TNKS: variants seen among roughly 807,000 people sequenced by gnomAD.
The protein encoded by TNKS is tankyrase, also known as poly [ADP-ribose] polymerase tankyrase-1.
Under a neutral mutation model 135.8 loss-of-function variants are expected in TNKS, and 72 were observed. The ratio of observed to expected loss-of-function variants is 0.53; its 90% CI spans 0.44 to 0.64. The LOEUF is 0.64. TNKS is among the 30% of genes least tolerant of loss of function. The probability of loss-of-function intolerance (pLI) is 0.00; values close to 1 mark genes in which losing one functional copy is unlikely to be tolerated. For synonymous variants in TNKS, 849 were observed against 649.3 expected, an observed-to-expected ratio of 1.31 and a Z score of -4.68; for missense variants, 1,769 against 1,674.0, an observed-to-expected ratio of 1.06 and a Z score of -0.99.
intron 3 of TNKS, among the ~76,000 whole-genome samples, chr8:9,671,412 A>G (rs1802264248): frequency 6.6e-6 from 1 of 152,244 alleles, no homozygotes; most frequent in South Asian, 2.1e-4. Flanking sequence ...ATAATGGAAT[A>G]TAACTTAACA....
At chr8:9,704,846 A>T in intron 6 of TNKS, 89 bp downstream of exon 6, 1 of 956,594 alleles carries the variant, frequency 1.0e-6, no homozygotes, top group Admixed American at 2.1e-5. Context: ...CATATGTCCC[A>T]TTTGTTACGG....
At chr8:9,566,943 A>G (rs1797568117) in intron 1 of TNKS, among the ~76,000 whole-genome samples, 1 of 152,156 alleles carries the variant, frequency 6.6e-6, no homozygotes. Flanking sequence ...CCAAGGTCAC[A>G]TAGCTAGCTT....
Position 9,778,363 on chromosome 8 carries a change from A to C in TNKS, c.*1627A>C, listed in dbSNP as rs539108548. 1 of 152,592 alleles carries C rather than the reference A, an allele frequency of 6.6e-6. No individual in the cohort carries two copies. The highest frequency in any genetic ancestry group is 6.5e-5 in the Admixed American group (1 of 15,308). The allele number at this position is 152,592 out of a possible 1,614,324, so 9.5% of individuals were successfully genotyped here. A position where few individuals can be genotyped will look rare whatever the true frequency, so the allele number is the denominator to read the frequency against. ...CGATGGGTTTAATGCAAGGTGATTA[A>C]GCTGTGACCTCCTTTAATCTCCTGA... On this transcript the variant is annotated 3_prime_UTR_variant, in exon 27 of 27. Transcript: ENST00000310430.
At chr8:9,695,710 G>C (rs755238617) in intron 5 of TNKS, among the ~76,000 whole-genome samples, 4 of 152,146 alleles carry the variant, frequency 2.6e-5, no homozygotes, top group African/African-American at 4.8e-5. Flanking sequence ...AGCTGAGAGA[G>C]GATACTGTCT....
rs567497524 is a variant in TNKS at position 9,706,988 on chromosome 8, A to C, written c.1447A>C (p.Arg483=). ...GGCTCCAACTCCGGAGCTTAGGGAGAGATTGACTTGTACGTATTTATATCC... is the reference window on the plus strand; with the variant it reads ...GGCTCCAACTCCGGAGCTTAGGGAGCGATTGACTTGTACGTATTTATATCC... ...DMAPTPELRE[R]LTYEFKGHSL... is the part of the protein sequence containing the mutation. Residue 483 remains arginine, a synonymous_variant, in exon 8 of 27, where the codon AGA becomes CGA. Transcript: ENST00000310430. The C allele has an allele frequency of 6.3e-7, 1 of 1,590,828 alleles. No homozygotes were observed. Among genetic ancestry groups the C allele is most frequent in the African/African-American group, 1.4e-5 (1 of 73,808 alleles).
chr8:9,755,711 C>G, intron 20 of TNKS, among the ~76,000 whole-genome samples: 1 of 152,172 alleles, frequency 6.6e-6, no homozygotes, highest in Non-Finnish European at 1.5e-5. Context: ...ATCTGTTTGG[C>G]TTAAGCCAGG....
rs13280377 is a variant in TNKS, at chr8:9,726,685, G to A, written c.1966G>A (p.Glu656Lys). ...TTCTGATGTTGATTATCGACTCTTA[G>A]AGGCATCTAAAGCTGGAGACTTGGA... ...RTSDVDYRLLEASKAGDLETV... is the reference protein window; with the variant it reads ...RTSDVDYRLLKASKAGDLETV... Residue 656 changes from glutamate to lysine, a missense_variant, in exon 13 of 27, where the codon GAG becomes AAG. Coordinates refer to ENST00000310430, the MANE Select transcript of TNKS (RefSeq NM_003747.3). 6.2e-7 allele frequency: 1 copy of A among 1,613,502 alleles called. No homozygotes were observed. Among genetic ancestry groups the A allele is most frequent in the Non-Finnish European group, 8.5e-7 (1 of 1,179,826 alleles).
rs751760764 is a variant in TNKS at position 9,770,122 on chromosome 8, A to G, written c.3757A>G (p.Arg1253Gly). ...YICHRQMLFC[R>G]VTLGKSFLQF... ...TTTCCTTAGACAAATGCTCTTCTGTAGAGTGACCCTTGGGAAATCCTTTCT... is the reference window on the plus strand; with the variant it reads ...TTTCCTTAGACAAATGCTCTTCTGTGGAGTGACCCTTGGGAAATCCTTTCT... Residue 1253 changes from arginine to glycine, a missense_variant, in exon 26 of 27, where the codon AGA (arginine) becomes GGA (glycine). By Grantham distance (125) the Arg-to-Gly change is moderately radical. This residue lies in a region of TNKS where 722 missense variants were observed against 688.9 expected (regional missense o/e 1.05). Transcript: ENST00000310430. 3.1e-6 allele frequency: 5 copies of G among 1,612,966 alleles called. No homozygotes were observed. The highest frequency in any genetic ancestry group is 4.2e-6 in the Non-Finnish European group (5 of 1,179,774).
At position 9,779,015 on chromosome 8, in the gene TNKS, AC is replaced by A. The variant is rs1808355947; in HGVS notation, c.*2280del. On this transcript the variant is annotated 3_prime_UTR_variant, in exon 27 of 27. Coordinates refer to ENST00000310430, the MANE Select transcript of TNKS (RefSeq NM_003747.3). ...TCAGTATTTAAACTGCCAGTGTTAT[AC>A]GTCTCATGCTCTGTGTGCCAGGTGA... 6.6e-6 allele frequency: 1 copy of A among 152,268 alleles called. No individual in the cohort carries two copies. Among genetic ancestry groups the A allele is most frequent in the Non-Finnish European group, 1.5e-5 (1 of 68,042 alleles). 9.4% of individuals were successfully genotyped at this position (152,268 alleles called of 1,614,324 possible). A position where few individuals can be genotyped will look rare whatever the true frequency, so the allele number is the denominator to read the frequency against.
At chr8:9,769,702 C>T (rs1432522077) in intron 25 of TNKS, among the ~76,000 whole-genome samples, 2 of 145,594 alleles carry the variant, frequency 1.4e-5, no homozygotes, top group African/African-American at 2.6e-5. Flanking sequence ...TCACTGCAAG[C>T]TCCACCTCCC....
At chr8:9,668,227 T>C (rs1343203780) in intron 3 of TNKS, among the ~76,000 whole-genome samples, 2 of 152,242 alleles carry the variant, frequency 1.3e-5, no homozygotes, top group African/African-American at 4.8e-5. Flanking sequence ...AAGGGCTGTT[T>C]GTATCAGTTT....
At chr8:9,609,020 TA>T (rs2128762611) in intron 2 of TNKS, among the ~76,000 whole-genome samples, 1 of 152,342 alleles carries the variant, frequency 6.6e-6, no homozygotes, top group African/African-American at 2.4e-5. Flanking sequence ...TTTTTCGTTA[TA>T]TTTTTATTTC....
chr8:9,611,773 A>C (rs552255836), intron 2 of TNKS, among the ~76,000 whole-genome samples: 1 of 152,358 alleles, frequency 6.6e-6, no homozygotes, highest in African/African-American at 2.4e-5. Context: ...CTTTAGGATG[A>C]AATTCTATTT....
intron 20 of TNKS, among the ~76,000 whole-genome samples, chr8:9,755,237 A>G (rs1806772783): frequency 1.3e-5 from 2 of 152,186 alleles, no homozygotes; most frequent in African/African-American, 4.8e-5. Context: ...TGATTTGAAT[A>G]GTTTAATAGT....
intron 1 of TNKS, among the ~76,000 whole-genome samples, chr8:9,574,401 A>G (rs1315147544): frequency 6.6e-6 from 1 of 152,034 alleles, no homozygotes; most frequent in African/African-American, 2.4e-5. Context: ...CTCTTCTTTG[A>G]CCCAGCTGTA....
rs368113364 is a variant in TNKS, at chr8:9,772,809, T to TTGTGTGTG, written c.3897+2561_3897+2568dup. ...TTGGGGAGAATGTGTGTGTGTGTGTTTGTGTGTGTGTGTGTGTGTGTCTGT... is the reference window on the plus strand; with the variant it reads ...TTGGGGAGAATGTGTGTGTGTGTGTTTGTGTGTGTGTGTGTGTGTGTGTGTGTGTCTGT... On this transcript the variant is annotated intron_variant, in intron 26 of 26. Coordinates refer to ENST00000310430, the MANE Select transcript of TNKS (RefSeq NM_003747.3). Among the ~76,000 whole-genome samples the TTGTGTGTG allele has an allele frequency of 4.2e-3, 361 of 86,684 alleles. 7 individuals are homozygous for TTGTGTGTG. The highest frequency in any genetic ancestry group is 0.013 in the African/African-American group (312 of 23,922). 56.9% of individuals were successfully genotyped at this position (86,684 alleles called of 152,430 possible).
intron 12 of TNKS, among the ~76,000 whole-genome samples, chr8:9,721,298 T>TATATATATATATATA (rs1554477764): frequency 3.4e-5 from 4 of 118,154 alleles, no homozygotes; most frequent in East Asian, 2.8e-4. Context: ...AATAAATAAA[T>TATATATATATATATA]TATATATATA....
chr8:9,573,606 T>C (rs1468727525), intron 1 of TNKS, among the ~76,000 whole-genome samples: 1 of 152,198 alleles, frequency 6.6e-6, no homozygotes, highest in Non-Finnish European at 1.5e-5. Flanking sequence ...GTTATTTTCC[T>C]AGACAACCCC....
chr8:9,768,867 C>A (rs1367280202), intron 25 of TNKS, among the ~76,000 whole-genome samples: 1 of 152,170 alleles, frequency 6.6e-6, no homozygotes, highest in Non-Finnish European at 1.5e-5. Flanking sequence ...GCATCCAACT[C>A]AAAAAGCCAG....
Sources: allele counts gnomAD v4.1 joint callset (sites outside exome capture counted in the v4.1 genomes callset), GRCh38; gene constraint gnomAD v4.1.1; regional missense constraint gnomAD v4.1.1; transcripts MANE v1.5; gene names NCBI Gene and HGNC (gene_info 2026-07-23, HGNC 2026-07-21).